Variants in INSL6 observed in about 807,000 individuals in gnomAD.
The protein encoded by INSL6 is insulin-like peptide INSL6.
A neutral mutation model predicts 9.4 loss-of-function variants in INSL6; 16 were observed. The observed-to-expected ratio is 1.70, with a 90% CI of 1.15 to 2.59. The LOEUF is 2.59. Among genes scored for constraint, INSL6 ranks in the 30% most tolerant of loss-of-function variants. The pLI, the probability that INSL6 is intolerant of heterozygous loss-of-function variation, is 0.00. For synonymous variants in INSL6, 154 were observed against 96.9 expected (o/e 1.59, Z -3.46); for missense variants, 391 against 257.3 (o/e 1.52, Z -3.56).
At chr9:5,164,913 G>C (rs1183172970) in intron 1 of INSL6, among the ~76,000 whole-genome samples, 2 of 152,188 alleles carry the variant, frequency 1.3e-5, no homozygotes, top group Non-Finnish European at 2.9e-5. Context: ...TGGTCATTAT[G>C]AATAGTGCTG....
the INSL6 span, chr9:5,066,648 T>A: frequency 8.5e-7 from 1 of 1,176,772 alleles, no homozygotes; most frequent in South Asian, 1.2e-5. Context: ...GCTTGATATA[T>A]TATTCAAATT....
chr9:5,025,104 G>A, the INSL6 span, among the ~76,000 whole-genome samples: 1 of 152,054 alleles, frequency 6.6e-6, no homozygotes, highest in Non-Finnish European at 1.5e-5. Flanking sequence ...ATTTTCTGTA[G>A]TTTATATGAA....
At chr9:5,106,892 C>T in the INSL6 span, among the ~76,000 whole-genome samples, 2 of 151,630 alleles carry the variant, frequency 1.3e-5, no homozygotes, top group African/African-American at 4.8e-5. Flanking sequence ...CACAAAGGGG[C>T]CCGGGGGAGG....
chr9:5,027,491 A>G, the INSL6 span, among the ~76,000 whole-genome samples: 1 of 152,206 alleles, frequency 6.6e-6, no homozygotes, highest in Non-Finnish European at 1.5e-5. Flanking sequence ...CTACTGACTG[A>G]CCAGGGTGGT....
chr9:5,090,451 C>A, the INSL6 span: 1 of 1,548,926 alleles, frequency 6.5e-7, no homozygotes, highest in Non-Finnish European at 8.7e-7. Flanking sequence ...AAAAGGTCGG[C>A]GTAATCTAAA....
chr9:5,144,124 T>C (rs1824553946), intron 2 of INSL6, among the ~76,000 whole-genome samples: 1 of 152,234 alleles, frequency 6.6e-6, no homozygotes, highest in African/African-American at 2.4e-5. Context: ...TTCTAACTTT[T>C]TGATGTGGGC....
intron 1 of INSL6, among the ~76,000 whole-genome samples, chr9:5,173,370 C>A (rs1260383573): frequency 6.6e-6 from 1 of 152,102 alleles, no homozygotes. Flanking sequence ...AAATGCCCAT[C>A]AATAAGAGAC....
the INSL6 span, among the ~76,000 whole-genome samples, chr9:4,997,094 A>G: frequency 6.6e-6 from 1 of 151,388 alleles, no homozygotes; most frequent in Admixed American, 6.6e-5. Context: ...AGGCCTGGCT[A>G]ATTTTTATAT....
At chr9:5,152,786 C>A (rs760953311) in intron 2 of INSL6, among the ~76,000 whole-genome samples, 1 of 152,186 alleles carries the variant, frequency 6.6e-6, no homozygotes, top group Non-Finnish European at 1.5e-5. Context: ...CAGCTCCAGT[C>A]GGCAGCTACC....
At chr9:5,085,728 A>G in the INSL6 span, 9 of 753,770 alleles carry the variant, frequency 1.2e-5, no homozygotes, top group Admixed American at 3.5e-5. Flanking sequence ...CATTTCTGCA[A>G]TTAAGGCTGT....
chr9:5,149,414 C>G (rs1312595268), intron 2 of INSL6, among the ~76,000 whole-genome samples: 1 of 152,260 alleles, frequency 6.6e-6, no homozygotes, highest in Non-Finnish European at 1.5e-5. Context: ...TACCTTCCTA[C>G]CCACCATGAT....
chr9:4,996,203 G>A, the INSL6 span, among the ~76,000 whole-genome samples: 2 of 152,086 alleles, frequency 1.3e-5, no homozygotes, highest in African/African-American at 2.4e-5. Context: ...ATATTTTTAA[G>A]CTTTTTAAGT....
chr9:5,114,948 C>G, the INSL6 span: 1 of 178,276 alleles, frequency 5.6e-6, no homozygotes, highest in African/African-American at 2.4e-5. Flanking sequence ...AACAAACAAA[C>G]AAACAAACAT....
the INSL6 span, among the ~76,000 whole-genome samples, chr9:4,992,491 A>G: frequency 6.6e-6 from 1 of 152,132 alleles, no homozygotes; most frequent in Non-Finnish European, 1.5e-5. Flanking sequence ...TTGGACAATT[A>G]TTAATACTAT....
the INSL6 span, among the ~76,000 whole-genome samples, chr9:5,008,178 C>A: frequency 6.6e-6 from 1 of 152,130 alleles, no homozygotes; most frequent in Non-Finnish European, 1.5e-5. Context: ...ATAGTCTATA[C>A]ATAAAGTCAA....
the INSL6 span, among the ~76,000 whole-genome samples, chr9:4,999,934 T>C: frequency 4.7e-3 from 717 of 152,320 alleles, 6 homozygotes; most frequent in African/African-American, 0.016. Flanking sequence ...TCCTCATATC[T>C]TTGCCAACAC....
the INSL6 span, among the ~76,000 whole-genome samples, chr9:5,015,533 CTTTTCTTT>C: frequency 1.5e-5 from 2 of 131,510 alleles, no homozygotes; most frequent in Admixed American, 7.5e-5. Context: ...TTTTCTTTTT[CTTTTCTTT>C]TTTTTTTTTT....
the INSL6 span, chr9:5,042,027 C>G: frequency 3.2e-6 from 1 of 315,950 alleles, no homozygotes; most frequent in South Asian, 2.8e-5. Flanking sequence ...GGGCCAGACG[C>G]TGGCTGGAAG....
chr9:5,018,981 TTC>T, the INSL6 span, among the ~76,000 whole-genome samples: 1 of 152,156 alleles, frequency 6.6e-6, no homozygotes. Context: ...CTGACAACAG[TTC>T]TCTCTTTGTC....
Sources: gnomAD v4.1 joint callset for allele counts (sites outside exome capture counted in the v4.1 genomes callset) on GRCh38, gnomAD v4.1.1 for gene constraint, MANE v1.5 for transcripts, NCBI Gene and HGNC (gene_info 2026-07-23, HGNC 2026-07-21) for gene names.